Variants in KCNQ5 observed in about 807,000 individuals in gnomAD.
KCNQ5 encodes the protein potassium voltage-gated channel subfamily Q member 5, also known as potassium voltage-gated channel subfamily KQT member 5.
In KCNQ5, 30 loss-of-function variants were observed where a neutral mutation model predicts 98.2. The observed-to-expected ratio is 0.31, with a 90% CI of 0.23 to 0.41. KCNQ5 has a LOEUF of 0.41. Among genes scored for constraint, KCNQ5 ranks in the 10% least tolerant of loss-of-function variants. KCNQ5 has a pLI of 1.00. For missense variants in KCNQ5, 835 were observed against 1,182.5 expected, an observed-to-expected ratio of 0.71 and a Z score of 4.31; for synonymous variants, 458 against 449.4, an observed-to-expected ratio of 1.02 and a Z score of -0.24.
chr6:72,700,726 A>G (rs1281667475), intron 1 of KCNQ5, among the ~76,000 whole-genome samples: 1 of 152,156 alleles, frequency 6.6e-6, no homozygotes, highest in Non-Finnish European at 1.5e-5. Context: ...TGGAGCTGCA[A>G]CCAGTTCTCC....
intron 1 of KCNQ5, among the ~76,000 whole-genome samples, chr6:72,984,014 G>A (rs1168948976): frequency 6.6e-6 from 1 of 152,196 alleles, no homozygotes; most frequent in Non-Finnish European, 1.5e-5. Context: ...GGTGTCACCA[G>A]TGGAGGCTGC....
chr6:72,839,267 A>G (rs1425186331), intron 1 of KCNQ5, among the ~76,000 whole-genome samples: 1 of 152,102 alleles, frequency 6.6e-6, no homozygotes, highest in Non-Finnish European at 1.5e-5. Flanking sequence ...TGGTGTTATT[A>G]TTTTTATTTT....
At chr6:73,144,930 A>C (rs970119294) in intron 10 of KCNQ5, among the ~76,000 whole-genome samples, 1 of 152,240 alleles carries the variant, frequency 6.6e-6, no homozygotes, top group Non-Finnish European at 1.5e-5. Flanking sequence ...CCTGTTGGTC[A>C]AAGCAAATGG....
intron 2 of KCNQ5, among the ~76,000 whole-genome samples, chr6:73,026,411 C>A (rs1418850211): frequency 1.3e-5 from 2 of 152,108 alleles, no homozygotes; most frequent in African/African-American, 4.8e-5. Flanking sequence ...CCTTCTGTCT[C>A]GAAACTTCTT....
In KCNQ5 at chr6:72,891,343, G is replaced by A. The variant is rs1779049776; in HGVS notation, c.399-112565G>A. Among the ~76,000 whole-genome samples the A allele has an allele frequency of 2.0e-5, 3 of 152,288 alleles. No homozygotes were observed. In the South Asian group the frequency reaches 6.2e-4, roughly 32 times the overall value. On this transcript the variant is annotated intron_variant, in intron 1 of 13. Transcript: ENST00000370398. ...TGAGTATGTGTAAATGGTTGGATGTGTAAATGGTTGGATGAACATACTCAA... is the reference window on the plus strand; with the variant it reads ...TGAGTATGTGTAAATGGTTGGATGTATAAATGGTTGGATGAACATACTCAA...
chr6:73,168,598 G>A (rs6453650), intron 10 of KCNQ5, among the ~76,000 whole-genome samples: 51,053 of 151,848 alleles, frequency 0.34, 9,319 homozygotes, highest in Middle Eastern at 0.46. Context: ...AGCTACTTGC[G>A]GGGCTGAGGC....
chr6:72,817,462 A>G (rs1775555271), intron 1 of KCNQ5, among the ~76,000 whole-genome samples: 2 of 152,250 alleles, frequency 1.3e-5, no homozygotes, highest in South Asian at 4.1e-4. Flanking sequence ...AATGCATTTT[A>G]AAAGCAGGAA....
chr6:72,741,017 A>G (rs1372777430), intron 1 of KCNQ5, among the ~76,000 whole-genome samples: 1 of 152,160 alleles, frequency 6.6e-6, no homozygotes, highest in East Asian at 1.9e-4. Flanking sequence ...AAAAACTTAA[A>G]AGTGTCAGGA....
chr6:72,622,144 C>T lies in KCNQ5; in HGVS notation c.-46C>T, dbSNP rs1289886898. 2 of 1,213,054 alleles carry T rather than the reference C, an allele frequency of 1.6e-6. No homozygotes were observed. The highest frequency in any genetic ancestry group is 3.3e-5 in the East Asian group (1 of 29,998). 75.1% of individuals were successfully genotyped at this position (1,213,054 alleles called of 1,614,324 possible). ...GCCGGCGCACATGAGGCCGCTGCCCCCGCCGCAGGCGCTGGCGGCCCCCTC... is the reference window on the plus strand; with the variant it reads ...GCCGGCGCACATGAGGCCGCTGCCCTCGCCGCAGGCGCTGGCGGCCCCCTC... On this transcript the variant is annotated 5_prime_UTR_variant, in exon 1 of 14. Coordinates refer to ENST00000370398, the MANE Select transcript of KCNQ5 (RefSeq NM_019842.4). This position sits in a 1 kb window ranked among gnomAD's most constrained non-coding sequence, Gnocchi z 6.0.
chr6:72,634,418 T>G (rs571089759), intron 1 of KCNQ5, among the ~76,000 whole-genome samples: 1 of 152,370 alleles, frequency 6.6e-6, no homozygotes, highest in African/African-American at 2.4e-5. Flanking sequence ...CTTAATTACA[T>G]TATTACATTG....
intron 11 of KCNQ5, among the ~76,000 whole-genome samples, chr6:73,170,279 A>G (rs968653624): frequency 1.3e-5 from 2 of 152,214 alleles, no homozygotes; most frequent in African/African-American, 4.8e-5. Flanking sequence ...TGGGAAACCT[A>G]AAGTATTTTG....
At chr6:73,140,014 C>A (rs536779260) in intron 10 of KCNQ5, among the ~76,000 whole-genome samples, 1 of 152,258 alleles carries the variant, frequency 6.6e-6, no homozygotes, top group South Asian at 2.1e-4. Flanking sequence ...TAACTTCTAC[C>A]TAGGTTCTAG....
intron 1 of KCNQ5, among the ~76,000 whole-genome samples, chr6:72,858,985 T>C (rs1206736977): frequency 6.6e-6 from 1 of 151,974 alleles, no homozygotes; most frequent in African/African-American, 2.4e-5. Context: ...CGATGCTAGT[T>C]TTGCAATTTT....
At chr6:72,645,217 AAAAAAAC>A (rs1765529055) in intron 1 of KCNQ5, among the ~76,000 whole-genome samples, 1 of 146,656 alleles carries the variant, frequency 6.8e-6, no homozygotes, top group African/African-American at 2.6e-5. Context: ...AAAAAAACAA[AAAAAAAC>A]AAAAAAAACA....
rs937407332 is a variant in KCNQ5, at chr6:73,171,584, C to T, written c.1577+1730C>T. 7.9e-5 allele frequency among the ~76,000 whole-genome samples: 12 copies of T among 152,284 alleles called. No homozygotes were observed. The East Asian group carries it at 2.1e-3, about 27-fold the overall frequency. On this transcript the variant is annotated intron_variant, in intron 11 of 13. Transcript: ENST00000370398. ...AATTTGAATTAATTAAAATGAAATA[C>T]ATTTTAAAATTTAGTGGATCAGTCG...
chr6:72,808,403 C>T lies in KCNQ5; in HGVS notation c.398+185816C>T, dbSNP rs1436964597. Among the ~76,000 whole-genome samples the T allele has an allele frequency of 5.3e-5, 8 of 152,032 alleles. 1 individual carries two copies. Among genetic ancestry groups the T allele is most frequent in the Non-Finnish European group, 8.8e-5 (6 of 67,998 alleles). On this transcript the variant is annotated intron_variant, in intron 1 of 13. Transcript: ENST00000370398. ...GTTAAAGTGTCTACATCAACCAAAC[C>T]GGAATACAAGGAGTTGTTCTGTGCA...
chr6:72,627,641 T>C (rs1565040877), intron 1 of KCNQ5, among the ~76,000 whole-genome samples: 1 of 152,092 alleles, frequency 6.6e-6, no homozygotes. Flanking sequence ...CTTGGGAAAA[T>C]GGACCCAGTA....
intron 1 of KCNQ5, among the ~76,000 whole-genome samples, chr6:72,953,921 A>T (rs1338797295): frequency 6.6e-6 from 1 of 152,148 alleles, no homozygotes; most frequent in Non-Finnish European, 1.5e-5. Flanking sequence ...ATTAGTCTTT[A>T]TCTCATCTTT....
intron 11 of KCNQ5, among the ~76,000 whole-genome samples, chr6:73,189,523 T>C (rs1765508505): frequency 6.6e-6 from 1 of 152,172 alleles, no homozygotes; most frequent in African/African-American, 2.4e-5. Flanking sequence ...TCTTCCCACT[T>C]TCCACCAAGT....
Sources: allele counts gnomAD v4.1 joint callset (sites outside exome capture counted in the v4.1 genomes callset), GRCh38; gene constraint gnomAD v4.1.1; non-coding constraint Gnocchi (gnomAD v3.1); transcripts MANE v1.5; gene names NCBI Gene and HGNC (gene_info 2026-07-23, HGNC 2026-07-21).